PCSK5: variants seen among roughly 807,000 people sequenced by gnomAD.
PCSK5 encodes prohormone convertase 5.
PCSK5 carries 129 observed loss-of-function variants against 233.2 expected under a neutral mutation model. The observed-to-expected ratio is 0.55, with a 90% CI of 0.48 to 0.64. PCSK5 has a LOEUF of 0.64. PCSK5 is among the 30% of genes least tolerant of loss of function. PCSK5 has a pLI of 0.00. For synonymous variants in PCSK5, 825 were observed against 879.2 expected, an observed-to-expected ratio of 0.94 and a Z score of 1.09; for missense variants, 2,076 against 2,430.1, an observed-to-expected ratio of 0.85 and a Z score of 3.06.
chr9:76,072,359 A>G (rs1830510648), intron 7 of PCSK5, among the ~76,000 whole-genome samples: 1 of 152,166 alleles, frequency 6.6e-6, no homozygotes, highest in Admixed American at 6.5e-5. Context: ...TGATCGCTAC[A>G]ACCAAGTAGC....
chr9:76,299,032 C>T (rs570040159), intron 27 of PCSK5, among the ~76,000 whole-genome samples: 2 of 152,250 alleles, frequency 1.3e-5, no homozygotes, highest in South Asian at 2.1e-4. Context: ...TGGGAAAACA[C>T]CCTTGAAATA....
intron 10 of PCSK5, among the ~76,000 whole-genome samples, chr9:76,139,767 C>T (rs935628665): frequency 6.6e-6 from 1 of 152,022 alleles, no homozygotes; most frequent in African/African-American, 2.4e-5. Flanking sequence ...TCTTCTAGCT[C>T]ATTTACAAAA....
chr9:76,038,948 A>C (rs1023056864), intron 5 of PCSK5, among the ~76,000 whole-genome samples: 2 of 152,214 alleles, frequency 1.3e-5, no homozygotes, highest in Admixed American at 1.3e-4. Context: ...GAGAAATACT[A>C]GTGGCATTGT....
In PCSK5 at chr9:76,071,635, T is replaced by C; in HGVS notation, c.722-91T>C. 2 of 1,074,196 alleles carry C rather than the reference T, an allele frequency of 1.9e-6. 1 individual carries two copies. Among genetic ancestry groups the C allele is most frequent in the South Asian group, 3.2e-5 (2 of 62,916 alleles). 66.5% of individuals were successfully genotyped at this position (1,074,196 alleles called of 1,614,324 possible). On this transcript the variant is annotated intron_variant, in intron 6 of 37. Transcript: ENST00000674117. ...CTCACTTAAGTGTTGATTAAAAATG[T>C]ATTCTTCCCCCCGAGAATCCTGCAG...
chr9:76,348,025 C>T (rs185659246), intron 35 of PCSK5, among the ~76,000 whole-genome samples: 5 of 152,208 alleles, frequency 3.3e-5, no homozygotes, highest in Admixed American at 1.3e-4. Context: ...AATCCCAGCA[C>T]TTTGGGAGGC....
intron 5 of PCSK5, among the ~76,000 whole-genome samples, chr9:76,041,843 G>GAAAA (rs66491707): frequency 3.8e-5 from 5 of 131,048 alleles, no homozygotes; most frequent in African/African-American, 1.4e-4. Context: ...TGTCTCAAGG[G>GAAAA]AAAAAAAAAA....
chr9:76,049,774 T>C (rs935294700), intron 5 of PCSK5, among the ~76,000 whole-genome samples: 1 of 152,210 alleles, frequency 6.6e-6, no homozygotes, highest in Non-Finnish European at 1.5e-5. Flanking sequence ...GTGTGTTCAG[T>C]TTGCTTATGA....
intron 3 of PCSK5, among the ~76,000 whole-genome samples, chr9:76,017,456 T>A (rs1255596601): frequency 6.6e-6 from 1 of 152,244 alleles, no homozygotes; most frequent in African/African-American, 2.4e-5. Context: ...CCAATTGTTA[T>A]GTACTTTATC....
intron 24 of PCSK5, among the ~76,000 whole-genome samples, chr9:76,285,333 T>G (rs1290326961): frequency 6.6e-6 from 1 of 152,184 alleles, no homozygotes; most frequent in Non-Finnish European, 1.5e-5. Context: ...ATCAAATGGG[T>G]AATGTTTTAT....
chr9:76,060,286 A>C (rs1829980319), intron 5 of PCSK5, among the ~76,000 whole-genome samples: 1 of 152,142 alleles, frequency 6.6e-6, no homozygotes, highest in African/African-American at 2.4e-5. Context: ...AAAATAAAAA[A>C]CCAATTAATG....
intron 2 of PCSK5, among the ~76,000 whole-genome samples, chr9:75,959,520 C>A (rs1382427904): frequency 6.6e-6 from 1 of 152,142 alleles, no homozygotes; most frequent in Non-Finnish European, 1.5e-5. Flanking sequence ...TGCTATTGAG[C>A]CACTATGAGC....
chr9:76,314,091 C>T (rs1047585194), intron 30 of PCSK5, among the ~76,000 whole-genome samples: 1 of 152,098 alleles, frequency 6.6e-6, no homozygotes, highest in Non-Finnish European at 1.5e-5. Flanking sequence ...TTTGAGTGTT[C>T]CAGGAATTGA....
At chr9:76,159,373 G>C (rs920420600) in intron 12 of PCSK5, among the ~76,000 whole-genome samples, 1 of 152,176 alleles carries the variant, frequency 6.6e-6, no homozygotes, top group Non-Finnish European at 1.5e-5. Flanking sequence ...GCATTTAATA[G>C]TTGGCTAAGA....
intron 33 of PCSK5, among the ~76,000 whole-genome samples, chr9:76,330,507 G>C (rs554355813): frequency 1.3e-5 from 2 of 152,108 alleles, no homozygotes; most frequent in Admixed American, 1.3e-4. Flanking sequence ...CCAGCACTTT[G>C]GGAGGTCGAG....
intron 20 of PCSK5, chr9:76,194,412 T>G (rs1257481224): frequency 1.3e-5 from 2 of 152,588 alleles, no homozygotes; most frequent in African/African-American, 4.8e-5. Context: ...CCGGGCAACT[T>G]TTTTCAATGG....
At chr9:75,950,673 T>A (rs549787315) in intron 2 of PCSK5, among the ~76,000 whole-genome samples, 55 of 152,124 alleles carry the variant, frequency 3.6e-4, no homozygotes, top group Non-Finnish European at 5.7e-4. Context: ...CTGCCCTAAA[T>A]GAGCTCCTGA....
intron 20 of PCSK5, among the ~76,000 whole-genome samples, chr9:76,217,615 G>T (rs978621860): frequency 6.6e-6 from 1 of 152,172 alleles, no homozygotes. Context: ...CCAGATATAG[G>T]CACTTCAGTT....
In PCSK5 at chr9:76,291,951, T is replaced by C. The variant is rs757662111; in HGVS notation, c.3143-282T>C. On this transcript the variant is annotated intron_variant, in intron 24 of 37. Coordinates refer to ENST00000674117, the MANE Select transcript of PCSK5 (RefSeq NM_001372043.1). ...AGGGGGTTCTTAATGTGGATGGTCG[T>C]TGATCTTTAATTCGAAGACCCAGTA... 5.1e-4 allele frequency among the ~76,000 whole-genome samples: 77 copies of C among 152,330 alleles called. 1 individual carries two copies. The highest frequency in any genetic ancestry group is 4.6e-4 in the Non-Finnish European group (31 of 68,032).
intron 2 of PCSK5, among the ~76,000 whole-genome samples, chr9:75,965,127 G>A (rs1054153368): frequency 3.3e-5 from 5 of 152,212 alleles, no homozygotes; most frequent in African/African-American, 1.2e-4. Flanking sequence ...GCATCTGTGG[G>A]AGGACACAAG....
Sources: gnomAD v4.1 joint callset for allele counts (sites outside exome capture counted in the v4.1 genomes callset) on GRCh38, gnomAD v4.1.1 for gene constraint, MANE v1.5 for transcripts, NCBI Gene and HGNC (gene_info 2026-07-23, HGNC 2026-07-21) for gene names.